The following CSMD1 variants were observed in gnomAD, a reference collection of about 807,000 sequenced individuals.
CSMD1 encodes the protein CUB and Sushi multiple domains 1.
A neutral mutation model predicts 417.5 loss-of-function variants in CSMD1; 213 were observed. The observed-to-expected ratio is 0.51, with a 90% confidence interval of 0.46 to 0.57. The LOEUF (loss-of-function observed/expected upper bound fraction) is 0.57, where lower values mean the gene tolerates loss of function less well. Ranked by LOEUF, CSMD1 falls within the 20% of genes least tolerant of loss-of-function variation. The pLI is 0.00. For synonymous variants in CSMD1, 2,862 were observed against 1,736.8 expected (o/e 1.65, Z -16.11); for missense variants, 6,923 against 4,529.7 (o/e 1.53, Z -15.17).
chr8:3,738,718 G>A (rs1193652949), intron 6 of CSMD1, among the ~76,000 whole-genome samples: 1 of 152,110 alleles, frequency 6.6e-6, no homozygotes, highest in Non-Finnish European at 1.5e-5. Flanking sequence ...GCCACCCTGT[G>A]GTCACCAACC....
intron 18 of CSMD1, among the ~76,000 whole-genome samples, chr8:3,383,307 TAA>T (rs1027645332): frequency 3.3e-5 from 5 of 152,348 alleles, no homozygotes; most frequent in African/African-American, 1.2e-4. Context: ...TTAAAATGTT[TAA>T]AGTTTTTAGG....
intron 23 of CSMD1, among the ~76,000 whole-genome samples, chr8:3,328,975 A>G (rs1399155184): frequency 6.6e-6 from 1 of 152,166 alleles, no homozygotes; most frequent in Non-Finnish European, 1.5e-5. Flanking sequence ...TTCCATTATC[A>G]TGTACCAAAG....
At chr8:3,479,173 C>A (rs767382156) in intron 11 of CSMD1, among the ~76,000 whole-genome samples, 1 of 152,166 alleles carries the variant, frequency 6.6e-6, no homozygotes, top group African/African-American at 2.4e-5. Context: ...ACCTCCTCCC[C>A]AGCCCACAAA....
intron 12 of CSMD1, among the ~76,000 whole-genome samples, chr8:3,423,447 G>C (rs1029647375): frequency 2.0e-5 from 3 of 152,224 alleles, no homozygotes; most frequent in East Asian, 3.9e-4. Flanking sequence ...TTTTGTCTCT[G>C]GTTTCTTTCA....
At chr8:3,957,687 G>A (rs1044636654) in intron 5 of CSMD1, among the ~76,000 whole-genome samples, 13 of 147,986 alleles carry the variant, frequency 8.8e-5, no homozygotes, top group African/African-American at 3.2e-4. Flanking sequence ...GACCATGTCG[G>A]AAAAAAAAGA....
intron 5 of CSMD1, among the ~76,000 whole-genome samples, chr8:3,909,595 T>G (rs908989177): frequency 6.6e-6 from 1 of 152,108 alleles, no homozygotes; most frequent in Non-Finnish European, 1.5e-5. Flanking sequence ...GGAAAACTTC[T>G]AATAAGGCCC....
chr8:3,212,916 C>T (rs1381933269), intron 30 of CSMD1, among the ~76,000 whole-genome samples: 1 of 150,126 alleles, frequency 6.7e-6, no homozygotes, highest in African/African-American at 2.5e-5. Flanking sequence ...ACAACCTCTG[C>T]CTCCCGGGTT....
chr8:3,019,527 C>T lies in CSMD1; in HGVS notation c.7856-877G>A, dbSNP rs148636073. 3.3e-3 allele frequency among the ~76,000 whole-genome samples: 498 copies of T among 152,234 alleles called. 1 individual carries two copies. Among genetic ancestry groups the T allele is most frequent in the African/African-American group, 0.011 (467 of 41,538 alleles). ...CTCAGTTTATTTGTTTTTTTAGTTA[C>T]TTGCATAATTTGTTGGGCTCATGAG... On this transcript the variant is annotated intron_variant, in intron 51 of 69. Coordinates refer to ENST00000635120, the MANE Select transcript of CSMD1 (RefSeq NM_033225.6).
intron 25 of CSMD1, among the ~76,000 whole-genome samples, chr8:3,306,339 G>A (rs936853567): frequency 7.9e-5 from 12 of 152,146 alleles, no homozygotes; most frequent in Non-Finnish European, 1.5e-4. Context: ...ATGCCCAGAT[G>A]CTTTTTGTAT....
chr8:4,137,251 G>A (rs962111344), intron 3 of CSMD1, among the ~76,000 whole-genome samples: 17 of 152,136 alleles, frequency 1.1e-4, no homozygotes, highest in African/African-American at 4.1e-4. Context: ...TTTTCTGGTA[G>A]CTATGAGAAA....
chr8:4,242,199 A>C (rs185758199), intron 3 of CSMD1, among the ~76,000 whole-genome samples: 1 of 152,312 alleles, frequency 6.6e-6, no homozygotes, highest in East Asian at 1.9e-4. Context: ...CTTTAAATAA[A>C]AGAATTGTGA....
In CSMD1 at chr8:3,457,492, G is replaced by A. The variant is rs139813052; in HGVS notation, c.1561+11220C>T. 5.4e-4 allele frequency among the ~76,000 whole-genome samples: 82 copies of A among 152,300 alleles called. No individual in the cohort carries two copies. The East Asian group carries it at 0.011, about 20-fold the overall frequency. On this transcript the variant is annotated intron_variant, in intron 12 of 69. Coordinates refer to ENST00000635120, the MANE Select transcript of CSMD1 (RefSeq NM_033225.6). Reference sequence around the variant, plus strand: ...AAGCAAGAGGTGATCTAAAAGAAACGCATTGGAGCTGAGTCATCAAAACCG... The same window carrying A: ...AAGCAAGAGGTGATCTAAAAGAAACACATTGGAGCTGAGTCATCAAAACCG...
At chr8:3,435,230 G>A (rs943419828) in intron 12 of CSMD1, among the ~76,000 whole-genome samples, 2 of 152,100 alleles carry the variant, frequency 1.3e-5, no homozygotes, top group African/African-American at 4.8e-5. Context: ...AGCTCCCTGG[G>A]AAAGAAAATA....
chr8:4,451,621 G>C (rs1403247338), intron 2 of CSMD1, among the ~76,000 whole-genome samples: 1 of 152,056 alleles, frequency 6.6e-6, no homozygotes, highest in Non-Finnish European at 1.5e-5. Context: ...TATTCAAGAA[G>C]GAATCTACTA....
intron 3 of CSMD1, among the ~76,000 whole-genome samples, chr8:4,117,267 G>A (rs141394418): frequency 1.3e-5 from 2 of 151,510 alleles, no homozygotes; most frequent in South Asian, 2.1e-4. Context: ...TAATCCCAAG[G>A]AACTCACTCG....
intron 6 of CSMD1, among the ~76,000 whole-genome samples, chr8:3,729,026 C>T (rs933026479): frequency 1.3e-5 from 2 of 152,152 alleles, no homozygotes; most frequent in African/African-American, 2.4e-5. Context: ...CCCGCCAAAC[C>T]GACCAGCAAA....
chr8:4,880,327 G>C (rs1461895511), intron 1 of CSMD1, among the ~76,000 whole-genome samples: 4 of 152,030 alleles, frequency 2.6e-5, no homozygotes, highest in African/African-American at 7.3e-5. Context: ...CAAACTCATA[G>C]GCTGCAGCTA....
At chr8:4,200,785 G>C (rs781692804) in intron 3 of CSMD1, among the ~76,000 whole-genome samples, 5 of 152,186 alleles carry the variant, frequency 3.3e-5, no homozygotes, top group Non-Finnish European at 7.3e-5. Context: ...TTTGTTAATG[G>C]AGACGGAGGC....
chr8:4,448,475 G>C (rs936486088), intron 2 of CSMD1, among the ~76,000 whole-genome samples: 5 of 152,130 alleles, frequency 3.3e-5, no homozygotes, highest in Admixed American at 1.3e-4. Context: ...TACTTTCCCA[G>C]ACAACAGCAG....
Sources: allele counts gnomAD v4.1 joint callset (sites outside exome capture counted in the v4.1 genomes callset), GRCh38; gene constraint gnomAD v4.1.1; transcripts MANE v1.5; gene names NCBI Gene and HGNC (gene_info 2026-07-23, HGNC 2026-07-21).